Variants in PBXIP1 observed in about 807,000 individuals in gnomAD.
PBXIP1 encodes pre-B-cell leukemia transcription factor-interacting protein 1.
PBXIP1 carries 73 observed loss-of-function variants against 73.7 expected under a neutral mutation model. The observed-to-expected ratio is 0.99, with a 90% CI of 0.82 to 1.20. The LOEUF is 1.20. Ranked by LOEUF, PBXIP1 falls within the 50% of genes most tolerant of loss-of-function variation. The pLI, the probability that PBXIP1 is intolerant of heterozygous loss-of-function variation, is 0.00. For missense variants in PBXIP1, 818 were observed against 911.4 expected (o/e 0.90, Z 1.32); for synonymous variants, 330 against 366.9 (o/e 0.90, Z 1.15).
At position 154,951,192 on chromosome 1, in the gene PBXIP1, C is replaced by G; in HGVS notation, c.409+40G>C. On this transcript the variant is annotated intron_variant, in intron 5 of 10. Transcript: ENST00000368463. The surrounding 1 kb of genome is among the most constrained non-coding windows in gnomAD (Gnocchi z 4.3). ...ATGGCTGATCCCTCTCCCATACCTTCTAGAAGGAGAGTGACAGGAGAGGCA... is the reference window on the plus strand; with the variant it reads ...ATGGCTGATCCCTCTCCCATACCTTGTAGAAGGAGAGTGACAGGAGAGGCA... 6.3e-7 allele frequency: 1 copy of G among 1,592,292 alleles called. No individual in the cohort carries two copies. The highest frequency in any genetic ancestry group is 2.0e-4 in the Middle Eastern group (1 of 5,052).
chr1:154,945,172 C>G, intron 10 of PBXIP1, 55 bp from the exon 11 acceptor site: 3 of 1,373,082 alleles, frequency 2.2e-6, no homozygotes, highest in South Asian at 2.4e-5. Flanking sequence ...AAACGGGTTC[C>G]CCAAGGAGAG....
At chr1:154,954,189 A>C (rs986697751) in intron 1 of PBXIP1, among the ~76,000 whole-genome samples, 1 of 152,208 alleles carries the variant, frequency 6.6e-6, no homozygotes, top group African/African-American at 2.4e-5. Flanking sequence ...AACACCAGGT[A>C]CCTACACAAT....
chr1:154,954,048 G>C (rs1356649836), intron 1 of PBXIP1, among the ~76,000 whole-genome samples: 2 of 152,150 alleles, frequency 1.3e-5, no homozygotes, highest in African/African-American at 4.8e-5. Context: ...AAAGGCTCTG[G>C]GGAATTCCAG....
At chr1:154,952,409 C>A (rs894338314) in intron 2 of PBXIP1, among the ~76,000 whole-genome samples, 1 of 152,094 alleles carries the variant, frequency 6.6e-6, no homozygotes, top group African/African-American at 2.4e-5. Context: ...GACACTCCCC[C>A]GACACCCGTC....
chr1:154,947,676 T>C lies in PBXIP1; in HGVS notation c.704A>G (p.Asp235Gly), dbSNP rs375968736. The part of the protein sequence containing the change: ...MEEVERQVLP[D>G]PEVLEAVGDR... ...CCCCACAGCTTCCAGCACCTCGGGGTCTGGGAGGACCTGCCGCTCCACTTC... is the reference window on the plus strand; with the variant it reads ...CCCCACAGCTTCCAGCACCTCGGGGCCTGGGAGGACCTGCCGCTCCACTTC... Residue 235 changes from aspartate (D) to glycine (G), a missense_variant, in exon 8 of 11, where the codon GAC becomes GGC. Coordinates refer to ENST00000368463, the MANE Select transcript of PBXIP1 (RefSeq NM_020524.4). 4 of 1,613,486 alleles carry C rather than the reference T, an allele frequency of 2.5e-6. No homozygotes were observed. In the Admixed American group the frequency reaches 5.0e-5, roughly 20 times the overall value.
chr1:154,948,468 G>T, intron 5 of PBXIP1, 102 bp from the exon 6 acceptor site: 1 of 816,616 alleles, frequency 1.2e-6, no homozygotes, highest in Non-Finnish European at 1.9e-6. Flanking sequence ...GAGGTCGTCA[G>T]CCCTGACCCC....
At chr1:154,947,359 G>A in intron 9 of PBXIP1, 58 bp downstream of exon 9, 1 of 1,601,222 alleles carries the variant, frequency 6.2e-7, no homozygotes, top group South Asian at 1.1e-5. Flanking sequence ...GAGGATGCTA[G>A]GACAGACGCC....
Position 154,946,520 on chromosome 1 carries a change from T to C in PBXIP1, c.1154A>G (p.Glu385Gly). The change falls in exon 10 of 11, where the codon GAA (glutamate) becomes GGA (glycine). Residue 385 changes from glutamate to glycine, a missense_variant. By Grantham distance (98) the Glu-to-Gly change is moderately conservative. Transcript: ENST00000368463. ...EPELSFLKQK[E>G]QLEAEAQALR... ...TGCCTGTGCCTCAGCCTCCAGCTGT[T>C]CCTTCTGCTTCAGGAAGCTGAGTTC... 1.9e-6 allele frequency: 3 copies of C among 1,610,890 alleles called. No individual in the cohort carries two copies. Among genetic ancestry groups the C allele is most frequent in the Non-Finnish European group, 2.5e-6 (3 of 1,180,022 alleles).
Position 154,951,773 on chromosome 1 carries a change from T to C in PBXIP1, c.178+22A>G. The C allele has an allele frequency of 6.2e-7, 1 of 1,610,668 alleles. No individual in the cohort carries two copies. The highest frequency in any genetic ancestry group is 8.5e-7 in the Non-Finnish European group (1 of 1,178,790). The stretch of plus-strand genomic sequence containing the variant: ...GAGAATAGCTTTGTCCGGTAAGCTA[T>C]GTCCTAAGCAGGGCCCAGTACCTTC... On this transcript the variant is annotated intron_variant, in intron 3 of 10. Transcript: ENST00000368463. The surrounding 1 kb of genome is among the most constrained non-coding windows in gnomAD (Gnocchi z 4.3).
At chr1:154,955,676 ACCTCCACTCCCTC>A (rs571752563) in intron 1 of PBXIP1, among the ~76,000 whole-genome samples, 1 of 151,422 alleles carries the variant, frequency 6.6e-6, no homozygotes, top group South Asian at 2.1e-4. Context: ...AAGAAAACCC[ACCTCCACTCCCTC>A]CCTCCACCCC....
chr1:154,950,107 C>G (rs1654958732), intron 5 of PBXIP1: 1 of 186,242 alleles, frequency 5.4e-6, no homozygotes, highest in Non-Finnish European at 1.1e-5. Flanking sequence ...CCTCCGCCTC[C>G]CAGGTTCAAG....
At position 154,951,895 on chromosome 1, in the gene PBXIP1, C is replaced by T. The variant is rs976935339; in HGVS notation, c.78G>A (p.Pro26=). The T allele has an allele frequency of 1.6e-5, 25 of 1,612,246 alleles. No individual in the cohort carries two copies. The highest frequency in any genetic ancestry group is 1.7e-4 in the Middle Eastern group (1 of 6,024). The part of the protein sequence containing the change: ...SESLPVETLG[P]ASRMDPESER... ...CAGATTCTGGGTCCATCCTGGATGC[C>T]GGGCCCAGTGTCTCCACTGGCAGGC... is the stretch of plus-strand genomic sequence containing the variant. The change falls in exon 3 of 11, where the codon CCG becomes CCA. Residue 26 remains proline (P), a synonymous_variant. Transcript: ENST00000368463. The surrounding 1 kb of genome is among the most constrained non-coding windows in gnomAD (Gnocchi z 4.3).
chr1:154,950,141 A>C (rs1156291661), intron 5 of PBXIP1: 1 of 167,860 alleles, frequency 6.0e-6, no homozygotes, highest in Non-Finnish European at 1.3e-5. Context: ...TCAGCTTCCC[A>C]GGTAGCTGGG....
intron 5 of PBXIP1, 81 bp from the exon 6 acceptor site, chr1:154,948,447 G>T: frequency 9.5e-7 from 1 of 1,055,490 alleles, no homozygotes. Context: ...TCAGAGGAAG[G>T]CACAGGGAGG....
At position 154,946,221 on chromosome 1, in the gene PBXIP1, G is replaced by C; in HGVS notation, c.1453C>G (p.Arg485Gly). Reference protein sequence around the residue: ...KEKWWDGQRDRKAEHWKHKKE... With the variant: ...KEKWWDGQRDGKAEHWKHKKE... ...TTATGTTTCCAGTGCTCAGCCTTCC[G>C]GTCTCTCTGCCCATCCCACCACTTT... The change falls in exon 10 of 11, where the codon CGG (arginine) becomes GGG (glycine). Residue 485 changes from arginine (R) to glycine (G), a missense_variant. Arg to Gly is a moderately radical substitution (Grantham distance 125). Coordinates refer to ENST00000368463, the MANE Select transcript of PBXIP1 (RefSeq NM_020524.4). 6.2e-7 allele frequency: 1 copy of C among 1,614,040 alleles called. No individual in the cohort carries two copies. Among genetic ancestry groups the C allele is most frequent in the Non-Finnish European group, 8.5e-7 (1 of 1,180,018 alleles).
chr1:154,949,525 A>T (rs1307550176), intron 5 of PBXIP1, among the ~76,000 whole-genome samples: 1 of 152,060 alleles, frequency 6.6e-6, no homozygotes, highest in African/African-American at 2.4e-5. Flanking sequence ...CTCGGCATCT[A>T]CATCTTTATA....
Position 154,945,891 on chromosome 1 carries a change from C to T in PBXIP1, c.1783G>A (p.Ala595Thr). 1.2e-6 allele frequency: 2 copies of T among 1,614,200 alleles called. No homozygotes were observed. The highest frequency in any genetic ancestry group is 2.2e-5 in the East Asian group (1 of 44,886). The change falls in exon 10 of 11, where the codon GCC becomes ACC. Residue 595 changes from alanine (A) to threonine (T), a missense_variant. Ala to Thr is a moderately conservative substitution (Grantham distance 58). Transcript: ENST00000368463. ...PQGCSGVDEC[A>T]RQEGLTFFGT... is the part of the protein sequence containing the mutation. ...AAGAAAGTCAGGCCCTCCTGCCGGG[C>T]ACACTCGTCCACACCTGAGCAGCCC...
At chr1:154,947,573 C>G in intron 8 of PBXIP1, 25 bp from the exon 9 acceptor site, 1 of 1,602,434 alleles carries the variant, frequency 6.2e-7, no homozygotes, top group Non-Finnish European at 8.5e-7. Flanking sequence ...GCCTGTTATG[C>G]CATGCTACCC....
rs1655007353 is a variant in PBXIP1 at position 154,951,613 on chromosome 1, G to A, written c.179-78C>T. The A allele has an allele frequency of 2.7e-6, 4 of 1,499,092 alleles. No homozygotes were observed. The highest frequency in any genetic ancestry group is 2.8e-6 in the Non-Finnish European group (3 of 1,077,076). 92.9% of individuals were successfully genotyped at this position (1,499,092 alleles called of 1,614,324 possible). A position where few individuals can be genotyped will look rare whatever the true frequency, so the allele number is the denominator to read the frequency against. ...TTGCAGCCCTCTGTCCATCCCACGG[G>A]CCCCTACCAGGTTGGAAGAGGCAGG... On this transcript the variant is annotated intron_variant, in intron 3 of 10. Transcript: ENST00000368463. This position sits in a 1 kb window ranked among gnomAD's most constrained non-coding sequence, Gnocchi z 4.3.
Sources: allele counts gnomAD v4.1 joint callset (sites outside exome capture counted in the v4.1 genomes callset), GRCh38; gene constraint gnomAD v4.1.1; non-coding constraint Gnocchi (gnomAD v3.1); transcripts MANE v1.5; gene names NCBI Gene and HGNC (gene_info 2026-07-23, HGNC 2026-07-21).